Variants in IL12RB1 observed in about 807,000 individuals in gnomAD.
IL12RB1 encodes the protein interleukin 12 receptor subunit beta 1.
In IL12RB1, 64 loss-of-function variants were observed where a neutral mutation model predicts 94.4. The ratio of observed to expected loss-of-function variants is 0.68; its 90% CI spans 0.55 to 0.83. IL12RB1 has a LOEUF of 0.83. Ranked by LOEUF, IL12RB1 falls within the 40% of genes least tolerant of loss-of-function variation. The probability of loss-of-function intolerance (pLI) is 0.00; values close to 1 mark genes in which losing one functional copy is unlikely to be tolerated. For missense variants in IL12RB1, 814 were observed against 855.6 expected (o/e 0.95, Z 0.61); for synonymous variants, 362 against 355.5 (o/e 1.02, Z -0.21).
rs1199181796 is a variant in IL12RB1 at position 18,066,566 on chromosome 19, C to T, written c.1459G>A (p.Asp487Asn). Residue 487 changes from aspartate to asparagine, a missense_variant, in exon 12 of 17, where the codon GAT becomes AAT. By Grantham distance (23) the Asp-to-Asn change is conservative. Coordinates refer to ENST00000593993, the MANE Select transcript of IL12RB1 (RefSeq NM_005535.3). The part of the protein sequence containing the change: ...VLKEYVVRCR[D>N]EDSKQVSEHP... ...CCTGACACCTGTTTGCTGTCTTCAT[C>T]TCGGCAGCGGACAACATACTCCTTT... 6 of 1,613,390 alleles carry T rather than the reference C, an allele frequency of 3.7e-6. No individual in the cohort carries two copies. The Admixed American group carries it at 5.0e-5, about 13-fold the overall frequency.
At chr19:18,092,585 G>A (rs1316359805) in intron 1 of IL12RB1, among the ~76,000 whole-genome samples, 1 of 151,594 alleles carries the variant, frequency 6.6e-6, no homozygotes. Flanking sequence ...CAGGAGAATC[G>A]CTTGAACCTG....
chr19:18,085,142 G>C (rs1046411299), intron 1 of IL12RB1, among the ~76,000 whole-genome samples: 34 of 152,178 alleles, frequency 2.2e-4, no homozygotes, highest in African/African-American at 8.0e-4. Context: ...CACCATGGAT[G>C]GGTCAGGAAG....
At chr19:18,076,886 T>C (rs990988910) in intron 5 of IL12RB1, among the ~76,000 whole-genome samples, 1 of 152,128 alleles carries the variant, frequency 6.6e-6, no homozygotes, top group Non-Finnish European at 1.5e-5. Flanking sequence ...GGATTGAATC[T>C]GGGAGCAGAA....
In IL12RB1 at chr19:18,083,129, G is replaced by C. The variant is rs367849656; in HGVS notation, c.124+303C>G. The C allele has an allele frequency of 1.6e-4, 90 of 547,218 alleles. 1 individual carries two copies. The highest frequency in any genetic ancestry group is 1.2e-3 in the South Asian group (58 of 48,328). 33.9% of individuals were successfully genotyped at this position (547,218 alleles called of 1,614,324 possible). ...ATGTTCTAATAATTTATCAGGTTGG[G>C]GGGGGGGCTTCAAAATGCTTAACAG... On this transcript the variant is annotated intron_variant, in intron 2 of 16. Coordinates refer to ENST00000593993, the MANE Select transcript of IL12RB1 (RefSeq NM_005535.3).
Position 18,062,998 on chromosome 19 carries a change from T to TTCC in IL12RB1, c.1619-724_1619-722dup, listed in dbSNP as rs66462934. Among the ~76,000 whole-genome samples, 306 of 90,818 alleles carry TTCC rather than the reference T, an allele frequency of 3.4e-3. 2 individuals carry two copies. Among genetic ancestry groups the TTCC allele is most frequent in the Non-Finnish European group, 5.4e-3 (166 of 30,874 alleles). 59.6% of individuals were successfully genotyped at this position (90,818 alleles called of 152,430 possible). A position where few individuals can be genotyped will look rare whatever the true frequency, so the allele number is the denominator to read the frequency against. Reference sequence around the variant, plus strand: ...CGACAACAGAGCCTGTGTTGTTCTCTTCCTCCTCCTCCTCCTCCTCCTCCC... The same window carrying TTCC: ...CGACAACAGAGCCTGTGTTGTTCTCTTCCTCCTCCTCCTCCTCCTCCTCCTCCC... On this transcript the variant is annotated intron_variant, in intron 13 of 16. Transcript: ENST00000593993.
At chr19:18,076,135 G>A (rs550719577) in intron 6 of IL12RB1, among the ~76,000 whole-genome samples, 162 bp downstream of exon 6, 1 of 152,216 alleles carries the variant, frequency 6.6e-6, no homozygotes, top group Admixed American at 6.6e-5. Flanking sequence ...TCCAAGTCGT[G>A]ATTTGTTTCC....
rs544038869 is a variant in IL12RB1 at position 18,082,373 on chromosome 19, C to T, written c.125-109G>A. 8.3e-6 allele frequency: 6 copies of T among 726,126 alleles called. No homozygotes were observed. In the East Asian group the frequency reaches 1.1e-4, roughly 13 times the overall value. 45.0% of individuals were successfully genotyped at this position (726,126 alleles called of 1,614,324 possible). ...TCTTTCAGCGTCACCTCAGCCTAAA[C>T]CCTCCCCGCGTCCTTCCTACCTCAT... On this transcript the variant is annotated intron_variant, in intron 2 of 16. Coordinates refer to ENST00000593993, the MANE Select transcript of IL12RB1 (RefSeq NM_005535.3).
intron 8 of IL12RB1, 77 bp from the exon 9 acceptor site, chr19:18,072,426 C>G: frequency 1.1e-6 from 1 of 923,868 alleles, no homozygotes; most frequent in Admixed American, 1.7e-5. Context: ...AGGGCACAGC[C>G]TATGAAGACA....
intron 9 of IL12RB1, chr19:18,070,578 C>T (rs528362889): frequency 2.8e-5 from 27 of 976,128 alleles, no homozygotes; most frequent in East Asian, 1.1e-4. Context: ...TAGCAACAGC[C>T]GTTTATTGAG....
At position 18,066,674 on chromosome 19, in the gene IL12RB1, G is replaced by A. The variant is rs996491861; in HGVS notation, c.1351C>T (p.His451Tyr). 1 of 1,609,482 alleles carries A rather than the reference G, an allele frequency of 6.2e-7. No homozygotes were observed. Residue 451 changes from histidine (H) to tyrosine (Y), a missense_variant, in exon 12 of 17, where the codon CAC (histidine) becomes TAC (tyrosine). Coordinates refer to ENST00000593993, the MANE Select transcript of IL12RB1 (RefSeq NM_005535.3). ...AAGCTATGATTCTTCACCGAGACGT[G>A]GTGCGGTGTCCCAGCTGCTGAGGCT... ...GNASAAGTPH[H>Y]VSVKNHSLDS...
At chr19:18,086,442 CTACA>C (rs1276391417) in intron 1 of IL12RB1, among the ~76,000 whole-genome samples, 1 of 151,986 alleles carries the variant, frequency 6.6e-6, no homozygotes, top group African/African-American at 2.4e-5. Context: ...CTATTGTAAA[CTACA>C]TACATAAGAT....
chr19:18,065,168 C>T (rs1463765288), intron 12 of IL12RB1, among the ~76,000 whole-genome samples: 2 of 152,212 alleles, frequency 1.3e-5, no homozygotes, highest in Non-Finnish European at 2.9e-5. Flanking sequence ...CTGTCTAACA[C>T]CACCGACATG....
intron 1 of IL12RB1, among the ~76,000 whole-genome samples, chr19:18,096,820 C>T (rs539270821): frequency 3.5e-5 from 5 of 142,032 alleles, no homozygotes; most frequent in East Asian, 2.0e-4. Flanking sequence ...CAGAGAGACT[C>T]GTCTCATAAA....
At chr19:18,087,386 T>G (rs2036416184), upstream of IL12RB1, among the ~76,000 whole-genome samples, 1 of 151,958 alleles carries the variant, frequency 6.6e-6, no homozygotes, top group Non-Finnish European at 1.5e-5. Flanking sequence ...ATTTTTGTAT[T>G]TTTAGTAGAG....
intron 1 of IL12RB1, among the ~76,000 whole-genome samples, chr19:18,098,073 G>A (rs2037149166): frequency 6.6e-6 from 1 of 152,152 alleles, no homozygotes; most frequent in Admixed American, 6.5e-5. Flanking sequence ...TGGCGTGGGA[G>A]GAAGAGGCTG....
At position 18,059,362 on chromosome 19, in the gene IL12RB1, C is replaced by A. The variant is rs556915010; in HGVS notation, c.*246G>T. The A allele has an allele frequency of 1.0e-4, 62 of 596,494 alleles. No homozygotes were observed. The African/African-American group carries it at 1.1e-3, about 11-fold the overall frequency. 37.0% of individuals were successfully genotyped at this position (596,494 alleles called of 1,614,324 possible). On this transcript the variant is annotated 3_prime_UTR_variant, in exon 17 of 17. Transcript: ENST00000593993. The stretch of plus-strand genomic sequence containing the variant: ...GCCCCCATTCCCAGTCCATTCTACG[C>A]CAGAACAGGTAAATGGCAGGGTCTG...
upstream of IL12RB1, among the ~76,000 whole-genome samples, chr19:18,088,582 A>C (rs1379548771): frequency 6.6e-6 from 1 of 151,240 alleles, no homozygotes; most frequent in Non-Finnish European, 1.5e-5. Context: ...AAAAAAAAAA[A>C]AATTTAAGAG....
chr19:18,076,383 G>A, intron 5 of IL12RB1, 56 bp from the exon 6 acceptor site: 1 of 877,748 alleles, frequency 1.1e-6, no homozygotes. Context: ...AAAAATATTT[G>A]CTGTTTTACA....
chr19:18,063,075 T>C (rs1406068804), intron 13 of IL12RB1, among the ~76,000 whole-genome samples: 1 of 107,876 alleles, frequency 9.3e-6, no homozygotes, highest in African/African-American at 4.0e-5. Context: ...TTCTTCTTCT[T>C]CTATTTTTTT....
Sources: gnomAD v4.1 joint callset for allele counts (sites outside exome capture counted in the v4.1 genomes callset) on GRCh38, gnomAD v4.1.1 for gene constraint, MANE v1.5 for transcripts, NCBI Gene and HGNC (gene_info 2026-07-23, HGNC 2026-07-21) for gene names.